Variants in ABL2 observed in about 807,000 individuals in gnomAD.
ABL2 encodes tyrosine-protein kinase ABL2.
Under a neutral mutation model 107.7 loss-of-function variants are expected in ABL2, and 49 were observed. That is an observed-to-expected ratio of 0.45 (90% CI 0.36 to 0.58). The LOEUF is 0.58. Among genes scored for constraint, ABL2 ranks in the 20% least tolerant of loss-of-function variants. The probability of loss-of-function intolerance (pLI) is 0.00; values close to 1 mark genes in which losing one functional copy is unlikely to be tolerated. For synonymous variants in ABL2, 549 were observed against 548.6 expected, an observed-to-expected ratio of 1.00 and a Z score of -0.01; for missense variants, 1,245 against 1,457.0, an observed-to-expected ratio of 0.85 and a Z score of 2.37.
intron 1 of ABL2, among the ~76,000 whole-genome samples, chr1:179,134,216 T>C (rs1017257861): frequency 6.6e-5 from 10 of 152,150 alleles, no homozygotes; most frequent in Non-Finnish European, 1.2e-4. Flanking sequence ...GGAAACAACA[T>C]GTATCTTAAT....
chr1:179,125,508 T>C (rs1216137011), intron 4 of ABL2, among the ~76,000 whole-genome samples: 4 of 152,340 alleles, frequency 2.6e-5, no homozygotes, highest in Non-Finnish European at 5.9e-5. Flanking sequence ...TCTTATATTA[T>C]TACACATCTG....
intron 1 of ABL2, among the ~76,000 whole-genome samples, chr1:179,165,942 C>T (rs1020101401): frequency 2.6e-5 from 4 of 151,966 alleles, no homozygotes; most frequent in Admixed American, 1.3e-4. Flanking sequence ...ATTACAGGCA[C>T]ATGCTACCAC....
At chr1:179,200,064 T>C (rs1219415958) in intron 1 of ABL2, among the ~76,000 whole-genome samples, 3 of 79,424 alleles carry the variant, frequency 3.8e-5, no homozygotes, top group Non-Finnish European at 4.9e-5. Context: ...TTTTTTTTTT[T>C]AAGACGGAGT....
At chr1:179,229,206 C>CCCCCCCCCCCCCA in intron 1 of ABL2, 35 bp downstream of exon 1, 2 of 1,480,752 alleles carry the variant, frequency 1.4e-6, no homozygotes, top group Non-Finnish European at 1.8e-6. Context: ...CCCGGCCTCC[C>CCCCCCCCCCCCCA]CCACGCTCTC....
At chr1:179,156,551 G>C (rs1408893863) in intron 1 of ABL2, among the ~76,000 whole-genome samples, 2 of 152,108 alleles carry the variant, frequency 1.3e-5, no homozygotes, top group Non-Finnish European at 2.9e-5. Flanking sequence ...CAAAAGCACT[G>C]GAAATTTTTC....
intron 1 of ABL2, among the ~76,000 whole-genome samples, chr1:179,198,969 G>A (rs1258362574): frequency 1.3e-5 from 2 of 151,228 alleles, no homozygotes; most frequent in Non-Finnish European, 2.9e-5. Flanking sequence ...AGCCCCCCTA[G>A]TAGCTGGGAT....
rs1553236251 is a variant in ABL2, at chr1:179,229,652, G to GCCGCCGCCGCCA, written c.-256_-255insTGGCGGCGGCGG. 1 of 463,128 alleles carries GCCGCCGCCGCCA rather than the reference G, an allele frequency of 2.2e-6. No individual in the cohort carries two copies. Among genetic ancestry groups the GCCGCCGCCGCCA allele is most frequent in the Non-Finnish European group, 3.7e-6 (1 of 270,710 alleles). 28.7% of individuals were successfully genotyped at this position (463,128 alleles called of 1,614,324 possible). A position where few individuals can be genotyped will look rare whatever the true frequency, so the allele number is the denominator to read the frequency against. ...CCCCAACGCCGCCGCCGCCGCCGCC[G>GCCGCCGCCGCCA]CCACCGCCGCCGCCATCTTTAAACC... is the stretch of plus-strand genomic sequence containing the variant. On this transcript the variant is annotated 5_prime_UTR_variant, in exon 1 of 12. Coordinates refer to ENST00000502732, the MANE Select transcript of ABL2 (RefSeq NM_007314.4).
chr1:179,211,805 A>AAT (rs1553233627), intron 1 of ABL2, among the ~76,000 whole-genome samples: 1 of 151,820 alleles, frequency 6.6e-6, no homozygotes, highest in African/African-American at 2.4e-5. Flanking sequence ...AAAAAAAAAA[A>AAT]ATTTAAATAA....
chr1:179,203,726 T>C (rs575204094), intron 1 of ABL2, among the ~76,000 whole-genome samples: 1 of 152,284 alleles, frequency 6.6e-6, no homozygotes, highest in African/African-American at 2.4e-5. Flanking sequence ...TAGTATGAAA[T>C]TGGGATAAGA....
chr1:179,115,680 G>A (rs1315242645), intron 8 of ABL2, among the ~76,000 whole-genome samples: 1 of 152,032 alleles, frequency 6.6e-6, no homozygotes, highest in Non-Finnish European at 1.5e-5. Flanking sequence ...GGCATCCAAG[G>A]GGGGGGTCTT....
chr1:179,194,123 G>A (rs1396693099), intron 1 of ABL2, among the ~76,000 whole-genome samples: 1 of 151,986 alleles, frequency 6.6e-6, no homozygotes, highest in Non-Finnish European at 1.5e-5. Context: ...TTTTCCCATG[G>A]TCAAAACAGA....
At chr1:179,171,300 T>C (rs1659703429) in intron 1 of ABL2, among the ~76,000 whole-genome samples, 2 of 152,184 alleles carry the variant, frequency 1.3e-5, no homozygotes, top group East Asian at 1.9e-4. Flanking sequence ...TACTGTTAGC[T>C]AGATACTAAT....
rs140935116 is a variant in ABL2 at position 179,131,463 on chromosome 1, T to C, written c.239A>G (p.Tyr80Cys). Reference sequence around the variant, plus strand: ...TGCCTGGGGTTCAACATCACAACCATAGGGACGATGCAAAGCTTCTGAAAG... The same window carrying C: ...TGCCTGGGGTTCAACATCACAACCACAGGGACGATGCAAAGCTTCTGAAAG... The part of the protein sequence containing the change: ...GSSPEALHRP[Y>C]GCDVEPQALN... The change falls in exon 3 of 12, where the codon TAT becomes TGT. Residue 80 changes from tyrosine (Y) to cysteine (C), a missense_variant. Tyr to Cys is a radical substitution (Grantham distance 194, BLOSUM62 -2). Around this residue, in one of 3 missense-constraint regions of ABL2, gnomAD observed 164 missense variants for 143.7 expected, o/e 1.14. Transcript: ENST00000502732. 32 of 1,613,708 alleles carry C rather than the reference T, an allele frequency of 2.0e-5. No homozygotes were observed. The highest frequency in any genetic ancestry group is 1.2e-4 in the African/African-American group (9 of 74,852).
chr1:179,150,619 A>G (rs753921212), intron 1 of ABL2, among the ~76,000 whole-genome samples: 23 of 152,236 alleles, frequency 1.5e-4, no homozygotes, highest in Non-Finnish European at 3.1e-4. Context: ...GATGGAATCT[A>G]TTCCTGGTAA....
chr1:179,184,540 C>T (rs28914474), intron 1 of ABL2: 42,144 of 584,880 alleles, frequency 0.072, 2,087 homozygotes, highest in Non-Finnish European at 0.088. Context: ...TACTTGGTTA[C>T]CGACTGATAT....
intron 1 of ABL2, among the ~76,000 whole-genome samples, chr1:179,138,970 A>G (rs1440415301): frequency 1.3e-5 from 2 of 152,202 alleles, no homozygotes; most frequent in Non-Finnish European, 2.9e-5. Context: ...GCCCCGGGCA[A>G]TGAGGGACTT....
chr1:179,223,251 C>T (rs2124867556), intron 1 of ABL2, among the ~76,000 whole-genome samples: 1 of 151,560 alleles, frequency 6.6e-6, no homozygotes, highest in Non-Finnish European at 1.5e-5. Flanking sequence ...CCCATCTCTA[C>T]AGAAAAATTT....
chr1:179,130,918 A>G (rs1656252028), intron 3 of ABL2, among the ~76,000 whole-genome samples: 1 of 151,638 alleles, frequency 6.6e-6, no homozygotes, highest in African/African-American at 2.4e-5. Flanking sequence ...GCCGGGGAAA[A>G]AAATGTATTT....
rs545854319 is a variant in ABL2 at position 179,196,279 on chromosome 1, T to C, written c.157+32962A>G. Among the ~76,000 whole-genome samples the C allele has an allele frequency of 1.5e-4, 23 of 152,374 alleles. 1 individual carries two copies. In the South Asian group the frequency reaches 2.7e-3, roughly 18 times the overall value. On this transcript the variant is annotated intron_variant, in intron 1 of 11. Transcript: ENST00000502732. ...TTTTTCTATTCAAAATGCACCCCCA[T>C]TTCCTGTCACTTTAACTAAAATTAC...
Sources: allele counts gnomAD v4.1 joint callset (sites outside exome capture counted in the v4.1 genomes callset), GRCh38; gene constraint gnomAD v4.1.1; regional missense constraint gnomAD v4.1.1; transcripts MANE v1.5; gene names NCBI Gene and HGNC (gene_info 2026-07-23, HGNC 2026-07-21).